TRMT11: variants seen among roughly 807,000 people sequenced by gnomAD.
TRMT11 encodes the protein tRNA (guanine(10)-N(2))-methyltransferase TRMT11.
Under a neutral mutation model 62.8 loss-of-function variants are expected in TRMT11, and 53 were observed. That is an observed-to-expected ratio of 0.84 (90% confidence interval 0.68 to 1.06). TRMT11 has a LOEUF of 1.06. Among genes scored for constraint, TRMT11 ranks in the 50% least tolerant of loss-of-function variants. The pLI is 0.00. For missense variants in TRMT11, 556 were observed against 553.4 expected (o/e 1.00, Z -0.05); for synonymous variants, 188 against 190.3 (o/e 0.99, Z 0.10).
chr6:126,049,049 A>G (rs1285393896), intron 16 of TRMT11, among the ~76,000 whole-genome samples: 2 of 152,244 alleles, frequency 1.3e-5, no homozygotes, highest in East Asian at 1.9e-4. Context: ...GACATTTGAC[A>G]GACTTTCCAT....
the TRMT11 span, among the ~76,000 whole-genome samples, chr6:126,222,541 T>A: frequency 6.6e-6 from 1 of 152,198 alleles, no homozygotes; most frequent in East Asian, 1.9e-4. Flanking sequence ...TGTTTCACCT[T>A]CTCGGTTAGC....
chr6:126,242,231 A>T, the TRMT11 span, among the ~76,000 whole-genome samples: 271 of 152,264 alleles, frequency 1.8e-3, 2 homozygotes, highest in Non-Finnish European at 2.9e-3. Context: ...TTACAAGGGA[A>T]GTGAAGGACC....
intron 1 of TRMT11, among the ~76,000 whole-genome samples, chr6:126,191,396 A>G (rs933366889): frequency 5.3e-5 from 8 of 150,070 alleles, no homozygotes; most frequent in African/African-American, 1.2e-4. Flanking sequence ...TCTATAAGCT[A>G]TCTCTTCATT....
At chr6:126,150,172 T>C (rs1411303115) in intron 21 of TRMT11, among the ~76,000 whole-genome samples, 2 of 152,124 alleles carry the variant, frequency 1.3e-5, no homozygotes, top group African/African-American at 4.8e-5. Flanking sequence ...GGTGGCTTTA[T>C]AGGAAGAGGA....
upstream of TRMT11, among the ~76,000 whole-genome samples, chr6:126,173,194 A>G (rs1425087018): frequency 2.0e-5 from 3 of 152,180 alleles, no homozygotes; most frequent in Non-Finnish European, 1.5e-5. Flanking sequence ...TGCCCTTGCT[A>G]AGTTTGAAAT....
intron 17 of TRMT11, among the ~76,000 whole-genome samples, chr6:126,073,948 G>A (rs890193267): frequency 6.6e-6 from 1 of 152,082 alleles, no homozygotes; most frequent in Non-Finnish European, 1.5e-5. Context: ...AGCAAAGGGG[G>A]TAAAGCCCCT....
intron 1 of TRMT11, among the ~76,000 whole-genome samples, chr6:126,197,041 G>A (rs1404137860): frequency 6.6e-6 from 1 of 152,154 alleles, no homozygotes; most frequent in East Asian, 1.9e-4. Flanking sequence ...TTTGAATTGA[G>A]TTTTTGATGC....
chr6:126,011,544 A>G, intron 9 of TRMT11, 127 bp downstream of exon 9: 1 of 718,042 alleles, frequency 1.4e-6, no homozygotes, highest in Non-Finnish European at 2.3e-6. Context: ...ATCTACCCCC[A>G]GCTTCTTCAT....
intron 17 of TRMT11, among the ~76,000 whole-genome samples, chr6:126,080,151 G>T (rs539443123): frequency 6.6e-6 from 1 of 152,220 alleles, no homozygotes; most frequent in Non-Finnish European, 1.5e-5. Context: ...ACCCAGGCTG[G>T]AGTGCAGTGG....
chr6:126,192,164 T>C (rs146549480), intron 1 of TRMT11, among the ~76,000 whole-genome samples: 13 of 152,272 alleles, frequency 8.5e-5, no homozygotes, highest in Non-Finnish European at 5.9e-5. Flanking sequence ...CTTTCACTTA[T>C]CTGGTTAAAT....
intron 12 of TRMT11, among the ~76,000 whole-genome samples, chr6:126,038,153 C>T (rs559916003): frequency 6.6e-5 from 10 of 152,132 alleles, no homozygotes; most frequent in Admixed American, 2.0e-4. Context: ...ATGGAAATCT[C>T]TTGTTTAGCC....
chr6:126,110,053 G>A (rs965810721), intron 17 of TRMT11, among the ~76,000 whole-genome samples: 4 of 152,154 alleles, frequency 2.6e-5, no homozygotes, highest in Admixed American at 2.0e-4. Context: ...TTCAGCTGGC[G>A]GAGAAGCAGG....
intron 1 of TRMT11, among the ~76,000 whole-genome samples, chr6:125,991,398 A>C (rs1790603998): frequency 6.6e-6 from 1 of 151,904 alleles, no homozygotes; most frequent in Non-Finnish European, 1.5e-5. Flanking sequence ...CTACAGGTGC[A>C]CCACTATGTC....
chr6:126,012,837 A>G lies in TRMT11; in HGVS notation c.992A>G (p.Glu331Gly). ...CAGAAGGAGATACCAAAGGGGATAGAAAAATGGGAAAAATGGTAAGTGAAA... is the reference window on the plus strand; with the variant it reads ...CAGAAGGAGATACCAAAGGGGATAGGAAAATGGGAAAAATGGTAAGTGAAA... ...GSQKEIPKGI[E>G]KWEKCPESHV... The change falls in exon 10 of 13, where the codon GAA becomes GGA. Residue 331 changes from glutamate to glycine, a missense_variant. Coordinates refer to ENST00000334379, the MANE Select transcript of TRMT11 (RefSeq NM_001031712.3). The G allele has an allele frequency of 1.2e-6, 2 of 1,613,326 alleles. No homozygotes were observed. The highest frequency in any genetic ancestry group is 1.7e-6 in the Non-Finnish European group (2 of 1,179,304).
At chr6:126,121,779 C>T (rs1170082250) in intron 21 of TRMT11, among the ~76,000 whole-genome samples, 1 of 151,950 alleles carries the variant, frequency 6.6e-6, no homozygotes, top group African/African-American at 2.4e-5. Context: ...GGGTTATATC[C>T]CCTAGACTTT....
intron 17 of TRMT11, among the ~76,000 whole-genome samples, chr6:126,098,520 C>T (rs910810593): frequency 3.3e-5 from 5 of 152,202 alleles, no homozygotes; most frequent in Admixed American, 1.3e-4. Flanking sequence ...CCTCAAATCA[C>T]TCCCTATAGA....
chr6:126,011,309 A>G lies in TRMT11; in HGVS notation c.817A>G (p.Asn273Asp). 2 of 1,613,468 alleles carry G rather than the reference A, an allele frequency of 1.2e-6. No homozygotes were observed. The highest frequency in any genetic ancestry group is 1.7e-6 in the Non-Finnish European group (2 of 1,179,602). Residue 273 changes from asparagine (N) to aspartate (D), a missense_variant, in exon 9 of 13, where the codon AAT becomes GAT. By Grantham distance (23) the Asn-to-Asp change is conservative. Transcript: ENST00000334379. ...WRGPDENIRA[N>D]LRQYGLEKYY... is the part of the protein sequence containing the mutation. The stretch of plus-strand genomic sequence containing the variant: ...AGGACCAGATGAAAACATTAGGGCC[A>G]ATCTTCGTCAATATGGTTTAGAGAA...
chr6:126,221,614 A>G, the TRMT11 span, among the ~76,000 whole-genome samples: 6 of 151,986 alleles, frequency 3.9e-5, no homozygotes, highest in African/African-American at 1.4e-4. Context: ...TTATTTGCTA[A>G]TTTGTTTAAG....
intron 17 of TRMT11, among the ~76,000 whole-genome samples, chr6:126,072,551 A>G (rs576666781): frequency 5.6e-4 from 85 of 152,330 alleles, no homozygotes; most frequent in African/African-American, 1.9e-3. Flanking sequence ...GTAAAATAGC[A>G]TATATTGAGT....
Sources: gnomAD v4.1 joint callset for allele counts (sites outside exome capture counted in the v4.1 genomes callset) on GRCh38, gnomAD v4.1.1 for gene constraint, MANE v1.5 for transcripts, NCBI Gene and HGNC (gene_info 2026-07-23, HGNC 2026-07-21) for gene names.